The following ENTREP2 variants were observed in gnomAD, a reference collection of about 807,000 sequenced individuals.
The protein encoded by ENTREP2 is endosomal transmembrane epsin interactor 2, also known as protein ENTREP2.
the ENTREP2 span, chr15:29,570,761 G>A: frequency 4.9e-6 from 4 of 821,860 alleles, no homozygotes; most frequent in Non-Finnish European, 5.5e-6. Context: ...GCTCCCGCCC[G>A]GCCCGGCGCG....
At chr15:29,224,044 C>A in the ENTREP2 span, among the ~76,000 whole-genome samples, 12 of 152,186 alleles carry the variant, frequency 7.9e-5, no homozygotes, top group Non-Finnish European at 1.8e-4. Context: ...AAGCCGTGGA[C>A]CCTCACACTG....
At chr15:29,176,887 T>C in the ENTREP2 span, among the ~76,000 whole-genome samples, 2 of 152,202 alleles carry the variant, frequency 1.3e-5, no homozygotes, top group Admixed American at 6.5e-5. Context: ...TGGGCCTGGC[T>C]CTCAGTCCTG....
the ENTREP2 span, among the ~76,000 whole-genome samples, chr15:29,243,733 A>C: frequency 6.6e-6 from 1 of 152,356 alleles, no homozygotes; most frequent in Admixed American, 6.5e-5. Context: ...TATAACAATA[A>C]ATTGGAAAAA....
the ENTREP2 span, among the ~76,000 whole-genome samples, chr15:29,598,837 C>T: frequency 6.6e-6 from 1 of 152,172 alleles, no homozygotes; most frequent in Non-Finnish European, 1.5e-5. Flanking sequence ...GCTGGGACTA[C>T]AGGCGCCCGC....
the ENTREP2 span, among the ~76,000 whole-genome samples, chr15:29,129,800 C>T: frequency 1.1e-4 from 17 of 152,160 alleles, no homozygotes; most frequent in Non-Finnish European, 8.8e-5. Flanking sequence ...CAGGGCCTCC[C>T]GGATGCGATG....
the ENTREP2 span, among the ~76,000 whole-genome samples, chr15:29,673,400 C>T: frequency 6.6e-6 from 1 of 152,142 alleles, no homozygotes; most frequent in Non-Finnish European, 1.5e-5. Flanking sequence ...AAGATGGAGT[C>T]GCTGTGGTTC....
chr15:29,338,779 T>C, the ENTREP2 span, among the ~76,000 whole-genome samples: 2 of 152,212 alleles, frequency 1.3e-5, no homozygotes, highest in African/African-American at 2.4e-5. Flanking sequence ...ATGCCTTTCT[T>C]TTTAATTGCA....
the ENTREP2 span, among the ~76,000 whole-genome samples, chr15:29,119,157 C>G: frequency 1.2e-4 from 18 of 152,228 alleles, no homozygotes; most frequent in Non-Finnish European, 2.2e-4. Flanking sequence ...TTGTGCCTCC[C>G]TCTTCCCAGA....
chr15:29,145,717 A>G, the ENTREP2 span, among the ~76,000 whole-genome samples: 246 of 152,084 alleles, frequency 1.6e-3, no homozygotes, highest in African/African-American at 5.7e-3. Flanking sequence ...ACCCACAGCT[A>G]ACATACTACT....
the ENTREP2 span, among the ~76,000 whole-genome samples, chr15:29,653,269 G>GT: frequency 6.6e-6 from 1 of 152,202 alleles, no homozygotes; most frequent in African/African-American, 2.4e-5. Flanking sequence ...GATCATCAGA[G>GT]TAAGACCCAA....
At chr15:29,415,684 C>G in the ENTREP2 span, among the ~76,000 whole-genome samples, 1 of 152,092 alleles carries the variant, frequency 6.6e-6, no homozygotes, top group African/African-American at 2.4e-5. Context: ...AAACGGCATT[C>G]AATTAGGAAA....
At chr15:29,323,221 T>C in the ENTREP2 span, among the ~76,000 whole-genome samples, 1 of 152,264 alleles carries the variant, frequency 6.6e-6, no homozygotes, top group East Asian at 1.9e-4. Flanking sequence ...GAGGCAGGAT[T>C]AGAGGGTTGG....
the ENTREP2 span, among the ~76,000 whole-genome samples, chr15:29,258,027 C>T: frequency 1.3e-5 from 2 of 151,790 alleles, no homozygotes; most frequent in African/African-American, 2.4e-5. Context: ...CTGGCTAACA[C>T]GGTGAAACCC....
At chr15:29,350,939 AAAAT>A in the ENTREP2 span, among the ~76,000 whole-genome samples, 9 of 152,144 alleles carry the variant, frequency 5.9e-5, no homozygotes, top group Non-Finnish European at 1.3e-4. Flanking sequence ...GACTCCGTCT[AAAAT>A]AAATAAATAA....
chr15:29,137,211 A>G, the ENTREP2 span: 2 of 1,464,036 alleles, frequency 1.4e-6, no homozygotes, highest in Non-Finnish European at 1.8e-6. Context: ...AACAGAGACA[A>G]CCACAGAGTT....
the ENTREP2 span, among the ~76,000 whole-genome samples, chr15:29,488,142 A>G: frequency 6.6e-6 from 1 of 152,256 alleles, no homozygotes; most frequent in Non-Finnish European, 1.5e-5. Flanking sequence ...AATATGCTAA[A>G]TGACTTAAAG....
chr15:29,560,395 T>G, the ENTREP2 span, among the ~76,000 whole-genome samples: 1 of 152,164 alleles, frequency 6.6e-6, no homozygotes, highest in Non-Finnish European at 1.5e-5. Context: ...CAGAGACCTG[T>G]GTGAGTGACA....
the ENTREP2 span, among the ~76,000 whole-genome samples, chr15:29,385,782 C>A: frequency 6.6e-6 from 1 of 152,158 alleles, no homozygotes; most frequent in South Asian, 2.1e-4. Context: ...AACGGGCAAT[C>A]CTGTTTTCAT....
the ENTREP2 span, among the ~76,000 whole-genome samples, chr15:29,390,143 T>G: frequency 6.6e-6 from 1 of 152,190 alleles, no homozygotes; most frequent in South Asian, 2.1e-4. Flanking sequence ...GCTCAGAGCC[T>G]CTGCTCTGAA....
Sources: allele counts gnomAD v4.1 joint callset (sites outside exome capture counted in the v4.1 genomes callset), GRCh38; gene constraint gnomAD v4.1.1; transcripts MANE v1.5; gene names NCBI Gene and HGNC (gene_info 2026-07-23, HGNC 2026-07-21).